Variants in ACAD11 observed in about 807,000 individuals in gnomAD.
ACAD11 encodes acyl-CoA dehydrogenase family member 11, also known as acyl-Coenzyme A dehydrogenase family, member 11.
ACAD11 carries 83 observed loss-of-function variants against 102.2 expected under a neutral mutation model. The ratio of observed to expected loss-of-function variants is 0.81; its 90% CI spans 0.68 to 0.97. The LOEUF is 0.97. Among genes scored for constraint, ACAD11 ranks in the 50% least tolerant of loss-of-function variants. ACAD11 has a pLI of 0.00. For missense variants in ACAD11, 901 were observed against 951.7 expected (o/e 0.95, Z 0.70); for synonymous variants, 324 against 319.8 (o/e 1.01, Z -0.14).
intron 18 of ACAD11, 27 bp from the exon 19 acceptor site, chr3:132,559,969 G>A (rs527824466): frequency 6.4e-7 from 1 of 1,564,614 alleles, no homozygotes; most frequent in Non-Finnish European, 8.8e-7. Flanking sequence ...TGAAAAGAAT[G>A]CTTCTTTCTT....
chr3:132,566,965 T>C (rs1937232146), intron 17 of ACAD11, among the ~76,000 whole-genome samples: 1 of 152,174 alleles, frequency 6.6e-6, no homozygotes, highest in South Asian at 2.1e-4. Context: ...TTAGAGAAAA[T>C]AATTAAGACA....
chr3:132,614,225 TATC>T (rs1398635075), intron 11 of ACAD11, among the ~76,000 whole-genome samples: 2 of 152,128 alleles, frequency 1.3e-5, no homozygotes, highest in Non-Finnish European at 2.9e-5. Context: ...GAAGAATCAA[TATC>T]ATGAAAATGG....
At chr3:132,566,248 T>C (rs1331063162) in intron 17 of ACAD11, among the ~76,000 whole-genome samples, 8 of 93,982 alleles carry the variant, frequency 8.5e-5, no homozygotes, top group African/African-American at 3.5e-4. Context: ...AACTGGAAGA[T>C]AGGACAATAG....
Position 132,607,275 on chromosome 3 carries a change from T to C in ACAD11, c.1415-2070A>G, listed in dbSNP as rs927130369. Among the ~76,000 whole-genome samples, 3 of 152,238 alleles carry C rather than the reference T, an allele frequency of 2.0e-5. No homozygotes were observed. The East Asian group carries it at 5.8e-4, about 29-fold the overall frequency. ...AACAAAACTGGATGGAGAATGAGTT[T>C]GACGAATTGACAGAAGTAGGCTTCA... On this transcript the variant is annotated intron_variant, in intron 11 of 19. Transcript: ENST00000264990.
intron 17 of ACAD11, among the ~76,000 whole-genome samples, chr3:132,561,461 A>C (rs751441979): frequency 1.3e-5 from 2 of 152,220 alleles, no homozygotes; most frequent in African/African-American, 2.4e-5. Flanking sequence ...TTTTCCCAGA[A>C]AAATCATTTA....
chr3:132,649,090 G>A (rs967051135), intron 1 of ACAD11, among the ~76,000 whole-genome samples: 2 of 152,242 alleles, frequency 1.3e-5, no homozygotes, highest in Admixed American at 6.5e-5. Context: ...AATGCACTGC[G>A]GAAAGCCGCA....
At chr3:132,560,029 C>T in intron 18 of ACAD11, 87 bp from the exon 19 acceptor site, 1 of 1,058,914 alleles carries the variant, frequency 9.4e-7, no homozygotes, top group Admixed American at 2.3e-5. Context: ...GGAAACTTTC[C>T]CACATCCAAG....
intron 13 of ACAD11, 137 bp from the exon 14 acceptor site, chr3:132,579,695 T>C (rs1239016385): frequency 1.7e-5 from 11 of 654,712 alleles, no homozygotes; most frequent in Non-Finnish European, 2.3e-5. Flanking sequence ...ATTAAGATAA[T>C]AATTCTTTTG....
Position 132,639,599 on chromosome 3 carries a change from G to T in ACAD11, c.595C>A (p.Gln199Lys). The T allele has an allele frequency of 1.2e-6, 2 of 1,613,658 alleles. No homozygotes were observed. The highest frequency in any genetic ancestry group is 1.7e-6 in the Non-Finnish European group (2 of 1,179,840). ...AAAHQDIPAMQQLSEWLMKNL... is the reference protein window; with the variant it reads ...AAAHQDIPAMKQLSEWLMKNL... ...TTCATTAGCCACTCCGATAGCTGTT[G>T]CATGGCAGGGATGTCCTGATGAGCT... Residue 199 changes from glutamine to lysine, a missense_variant, in exon 5 of 20, where the codon CAA becomes AAA. Coordinates refer to ENST00000264990, the MANE Select transcript of ACAD11 (RefSeq NM_032169.5).
chr3:132,574,674 C>G (rs1404100301), intron 17 of ACAD11, among the ~76,000 whole-genome samples: 1 of 152,166 alleles, frequency 6.6e-6, no homozygotes, highest in Non-Finnish European at 1.5e-5. Context: ...TGACCTAACA[C>G]TAACATGTTA....
At chr3:132,654,082 A>C (rs1342034484) in intron 1 of ACAD11, among the ~76,000 whole-genome samples, 1 of 152,180 alleles carries the variant, frequency 6.6e-6, no homozygotes, top group African/African-American at 2.4e-5. Flanking sequence ...GCTTTTCTAT[A>C]GTCACCTACA....
chr3:132,585,468 G>A (rs918002173), intron 13 of ACAD11, among the ~76,000 whole-genome samples: 1 of 152,146 alleles, frequency 6.6e-6, no homozygotes, highest in Non-Finnish European at 1.5e-5. Flanking sequence ...CAAAAGCAAT[G>A]TCAACAAAAG....
intron 9 of ACAD11, among the ~76,000 whole-genome samples, chr3:132,625,039 G>C (rs1939760106): frequency 6.6e-6 from 1 of 152,124 alleles, no homozygotes; most frequent in Non-Finnish European, 1.5e-5. Flanking sequence ...AAACACCATT[G>C]CTATAACAGG....
At chr3:132,650,930 AC>A (rs1307820557) in intron 1 of ACAD11, among the ~76,000 whole-genome samples, 1 of 151,594 alleles carries the variant, frequency 6.6e-6, no homozygotes, top group African/African-American at 2.4e-5. Flanking sequence ...CATCTTCTCC[AC>A]CCCCTCAACT....
At chr3:132,567,754 C>G (rs541743655) in intron 17 of ACAD11, among the ~76,000 whole-genome samples, 1 of 152,006 alleles carries the variant, frequency 6.6e-6, no homozygotes, top group Non-Finnish European at 1.5e-5. Flanking sequence ...AGGACATCTA[C>G]AAAAATGCTA....
At chr3:132,590,247 G>A (rs1478011972) in intron 13 of ACAD11, among the ~76,000 whole-genome samples, 1 of 151,916 alleles carries the variant, frequency 6.6e-6, no homozygotes, top group African/African-American at 2.4e-5. Context: ...GGTAGTTCTG[G>A]GTTTTTTGTT....
rs565925862 is a variant in ACAD11, at chr3:132,611,956, G to A, written c.1414+6678C>T. Among the ~76,000 whole-genome samples, 967 of 152,048 alleles carry A rather than the reference G, an allele frequency of 6.4e-3. 16 individuals are homozygous for A. Among genetic ancestry groups the A allele is most frequent in the African/African-American group, 0.023 (936 of 41,384 alleles). ...AAAAGAACAAAGCTGGAGGCATCAC[G>A]CTACCTGACTTCAAACTACACTACA... On this transcript the variant is annotated intron_variant, in intron 11 of 19. Coordinates refer to ENST00000264990, the MANE Select transcript of ACAD11 (RefSeq NM_032169.5).
chr3:132,643,682 A>G lies in ACAD11; in HGVS notation c.250-880T>C, dbSNP rs552706830. Among the ~76,000 whole-genome samples, 15 of 152,222 alleles carry G rather than the reference A, an allele frequency of 9.9e-5. No individual in the cohort carries two copies. The South Asian group carries it at 3.1e-3, about 32-fold the overall frequency. Reference sequence around the variant, plus strand: ...CAAGGTGAGAGCAGCCAGCAGTACCAAGGGCTGTGGAAAGAAGTGTTAACC... The same window carrying G: ...CAAGGTGAGAGCAGCCAGCAGTACCGAGGGCTGTGGAAAGAAGTGTTAACC... On this transcript the variant is annotated intron_variant, in intron 2 of 19. Coordinates refer to ENST00000264990, the MANE Select transcript of ACAD11 (RefSeq NM_032169.5).
intron 12 of ACAD11, 146 bp downstream of exon 12, chr3:132,604,951 TA>T: frequency 1.9e-6 from 1 of 523,594 alleles, no homozygotes. Context: ...CAAAATTTAA[TA>T]ACAGGCTCAA....
Sources: gnomAD v4.1 joint callset for allele counts (sites outside exome capture counted in the v4.1 genomes callset) on GRCh38, gnomAD v4.1.1 for gene constraint, MANE v1.5 for transcripts, NCBI Gene and HGNC (gene_info 2026-07-23, HGNC 2026-07-21) for gene names.